The following ZNF425 variants were observed in gnomAD, a reference collection of about 807,000 sequenced individuals.
ZNF425 encodes the protein zinc finger protein 425.
A neutral mutation model predicts 17.0 loss-of-function variants in ZNF425; 21 were observed. That is an observed-to-expected ratio of 1.23 (90% CI 0.88 to 1.78). ZNF425 has a LOEUF of 1.78. ZNF425 is among the 40% of genes most tolerant of loss of function. ZNF425 has a pLI of 0.00. For missense variants in ZNF425, 868 were observed against 967.3 expected, an observed-to-expected ratio of 0.90 and a Z score of 1.36; for synonymous variants, 433 against 384.1, an observed-to-expected ratio of 1.13 and a Z score of -1.49.
chr7:149,118,397 T>C lies in ZNF425; in HGVS notation c.19-49A>G, dbSNP rs200964179. ...ATACATTTTTACTTTACGGCTACTT[T>C]GTTTTTCAATGTCCATTACTTTATT... On this transcript the variant is annotated intron_variant, in intron 1 of 3. Coordinates refer to ENST00000378061, the MANE Select transcript of ZNF425 (RefSeq NM_001001661.3). 1.0e-4 allele frequency: 162 copies of C among 1,598,576 alleles called. 4 individuals are homozygous for C. The East Asian group carries it at 3.5e-3, about 35-fold the overall frequency.
chr7:149,110,796 CTT>C (rs71192754), intron 3 of ZNF425, among the ~76,000 whole-genome samples: 8 of 133,194 alleles, frequency 6.0e-5, no homozygotes, highest in Non-Finnish European at 6.3e-5. Context: ...ATCCCTTGTT[CTT>C]TTTTTTTTTT....
intron 3 of ZNF425, among the ~76,000 whole-genome samples, chr7:149,107,481 G>A (rs1332619428): frequency 2.6e-5 from 4 of 151,800 alleles, no homozygotes; most frequent in Non-Finnish European, 5.9e-5. Flanking sequence ...GGGACTACAG[G>A]CGCCCACCAC....
intron 2 of ZNF425, among the ~76,000 whole-genome samples, chr7:149,117,403 C>T (rs1475863890): frequency 6.6e-6 from 1 of 152,080 alleles, no homozygotes; most frequent in Non-Finnish European, 1.5e-5. Context: ...CATCCCACTG[C>T]TCTCTCCTCC....
chr7:149,112,856 C>T (rs906851049), intron 2 of ZNF425, among the ~76,000 whole-genome samples: 10 of 150,658 alleles, frequency 6.6e-5, no homozygotes, highest in Middle Eastern at 3.4e-3. Context: ...ATAGAGATAG[C>T]GTTTTGCCAC....
intron 1 of ZNF425, among the ~76,000 whole-genome samples, chr7:149,119,563 C>G (rs542653554): frequency 2.0e-5 from 3 of 152,226 alleles, no homozygotes; most frequent in Non-Finnish European, 4.4e-5. Flanking sequence ...AATCAAAAAA[C>G]ACAACTACAG....
At chr7:149,109,022 CAA>C (rs199927954) in intron 3 of ZNF425, among the ~76,000 whole-genome samples, 1 of 154 alleles carries the variant, frequency 6.5e-3, no homozygotes, top group East Asian at 0.17. Context: ...CACTATGTCC[CAA>C]GAGAGTAACA....
At chr7:149,109,084 T>TC (rs1287686717) in intron 3 of ZNF425, among the ~76,000 whole-genome samples, 94 of 148,928 alleles carry the variant, frequency 6.3e-4, no homozygotes, top group African/African-American at 2.1e-3. Flanking sequence ...TTTCTTTCTT[T>TC]TTTTTTTTTT....
At chr7:149,115,194 T>A (rs1352131506) in intron 2 of ZNF425, among the ~76,000 whole-genome samples, 1 of 149,284 alleles carries the variant, frequency 6.7e-6, no homozygotes, top group East Asian at 2.0e-4. Context: ...AAGTGATCTG[T>A]CCGCCTCGAC....
chr7:149,126,052 C>A (rs1177386508), intron 1 of ZNF425, 144 bp downstream of exon 1: 5 of 1,493,076 alleles, frequency 3.3e-6, no homozygotes, highest in Non-Finnish European at 4.6e-6. Flanking sequence ...CTTCTCCAGC[C>A]CAGCCCGGAG....
chr7:149,119,439 G>A (rs1378236548), intron 1 of ZNF425, among the ~76,000 whole-genome samples: 1 of 152,118 alleles, frequency 6.6e-6, no homozygotes, highest in Non-Finnish European at 1.5e-5. Flanking sequence ...TTACCCAAAA[G>A]GTCATATTGT....
chr7:149,126,078 A>C, intron 1 of ZNF425, 118 bp downstream of exon 1: 1 of 1,562,064 alleles, frequency 6.4e-7, no homozygotes, highest in Non-Finnish European at 8.7e-7. Flanking sequence ...TCCGTGGGCC[A>C]CTGCCAACCC....
intron 2 of ZNF425, among the ~76,000 whole-genome samples, chr7:149,117,056 T>C (rs1826276345): frequency 6.6e-6 from 1 of 151,528 alleles, no homozygotes; most frequent in Non-Finnish European, 1.5e-5. Context: ...AGGTCAGGAG[T>C]TCGAGACCAG....
At chr7:149,112,002 G>C in intron 3 of ZNF425, 135 bp downstream of exon 3, 1 of 873,828 alleles carries the variant, frequency 1.1e-6, no homozygotes, top group Non-Finnish European at 1.7e-6. Flanking sequence ...ACCCTCTTGA[G>C]TAAAGAAAAC....
rs539177853 is a variant in ZNF425, at chr7:149,103,219, A to AT, written c.*392dup. 1.3e-4 allele frequency: 22 copies of AT among 174,420 alleles called. No individual in the cohort carries two copies. Among genetic ancestry groups the AT allele is most frequent in the South Asian group, 4.7e-4 (3 of 6,350 alleles). 10.8% of individuals were successfully genotyped at this position (174,420 alleles called of 1,614,324 possible). ...GTGTGTCTGTAGCCAGTATTTTGTG[A>AT]TTTTTTTTCTTTTTTGAGACAAGAT... On this transcript the variant is annotated 3_prime_UTR_variant, in exon 4 of 4. Transcript: ENST00000378061.
Position 149,126,314 on chromosome 7 carries a change from C to T in ZNF425, c.-101G>A, listed in dbSNP as rs1249659417. 2 of 1,484,470 alleles carry T rather than the reference C, an allele frequency of 1.3e-6. No homozygotes were observed. Among genetic ancestry groups the T allele is most frequent in the Non-Finnish European group, 1.8e-6 (2 of 1,115,694 alleles). 92.0% of individuals were successfully genotyped at this position (1,484,470 alleles called of 1,614,324 possible). On this transcript the variant is annotated 5_prime_UTR_variant, in exon 1 of 4. Coordinates refer to ENST00000378061, the MANE Select transcript of ZNF425 (RefSeq NM_001001661.3). The stretch of plus-strand genomic sequence containing the variant: ...CCCTGCTGGCCCCCAAAGGCAGAGC[C>T]GGCCGGGCGCGGTGCATGCTGGGAC...
At chr7:149,111,450 G>A (rs1055671897) in intron 3 of ZNF425, among the ~76,000 whole-genome samples, 2 of 151,306 alleles carry the variant, frequency 1.3e-5, no homozygotes, top group Non-Finnish European at 2.9e-5. Context: ...AAATTAGCCA[G>A]GTGTGGTGGC....
chr7:149,104,469 T>C lies in ZNF425; in HGVS notation c.1402A>G (p.Lys468Glu). 1 of 1,599,176 alleles carries C rather than the reference T, an allele frequency of 6.3e-7. No individual in the cohort carries two copies. The highest frequency in any genetic ancestry group is 8.5e-7 in the Non-Finnish European group (1 of 1,173,920). The change falls in exon 4 of 4, where the codon AAG (lysine) becomes GAG (glutamate). Residue 468 changes from lysine to glutamate, a missense_variant. Lys to Glu is a moderately conservative substitution (Grantham distance 56). Transcript: ENST00000378061. This position sits in a 1 kb window ranked among gnomAD's most constrained non-coding sequence, Gnocchi z 4.3. The stretch of plus-strand genomic sequence containing the variant: ...CCGCACTCGGCGCAGGGGAAGGGCT[T>C]TTGCTCGCTGTGCAGGCGCTGGTGG... Reference protein sequence around the residue: ...RAHQRLHSEQKPFPCAECGKR... With the variant: ...RAHQRLHSEQEPFPCAECGKR...
chr7:149,114,415 C>A (rs1333407756), intron 2 of ZNF425, among the ~76,000 whole-genome samples: 2 of 139,912 alleles, frequency 1.4e-5, no homozygotes, highest in Non-Finnish European at 3.0e-5. Context: ...CTCACTCTGT[C>A]ACCAGGCTGG....
intron 1 of ZNF425, among the ~76,000 whole-genome samples, chr7:149,120,210 C>T (rs1299130870): frequency 1.3e-5 from 2 of 151,994 alleles, no homozygotes; most frequent in African/African-American, 2.4e-5. Context: ...GGTGAAACCC[C>T]GTCTCTACTA....
Sources: gnomAD v4.1 joint callset for allele counts (sites outside exome capture counted in the v4.1 genomes callset) on GRCh38, gnomAD v4.1.1 for gene constraint, Gnocchi (gnomAD v3.1) non-coding constraint, MANE v1.5 for transcripts, NCBI Gene and HGNC (gene_info 2026-07-23, HGNC 2026-07-21) for gene names.